Variants in INPP5D observed in about 807,000 individuals in gnomAD.
INPP5D encodes the protein inositol polyphosphate-5-phosphatase D.
A neutral mutation model predicts 122.9 loss-of-function variants in INPP5D; 33 were observed. That is an observed-to-expected ratio of 0.27 (90% CI 0.20 to 0.36). INPP5D has a LOEUF of 0.36. Ranked by LOEUF, INPP5D falls within the 10% of genes least tolerant of loss-of-function variation. The pLI is 1.00. For synonymous variants in INPP5D, 584 were observed against 576.2 expected, an observed-to-expected ratio of 1.01 and a Z score of -0.19; for missense variants, 1,053 against 1,412.7, an observed-to-expected ratio of 0.75 and a Z score of 4.08.
chr2:233,118,451 C>G lies in INPP5D; in HGVS notation c.199-3656C>G, dbSNP rs555800253. Among the ~76,000 whole-genome samples the G allele has an allele frequency of 6.7e-4, 102 of 152,364 alleles. 1 individual carries two copies. Among genetic ancestry groups the G allele is most frequent in the Middle Eastern group, 6.8e-3 (2 of 294 alleles). On this transcript the variant is annotated intron_variant, in intron 2 of 26. Transcript: ENST00000445964. ...GCTCTGTAGCTTCTATGATCCCCTTCTTGGGCTCTGACTCTTTCTCTTCCT... is the reference window on the plus strand; with the variant it reads ...GCTCTGTAGCTTCTATGATCCCCTTGTTGGGCTCTGACTCTTTCTCTTCCT...
chr2:233,187,533 A>G (rs558941449), intron 21 of INPP5D, among the ~76,000 whole-genome samples: 2 of 152,334 alleles, frequency 1.3e-5, no homozygotes, highest in African/African-American at 4.8e-5. Context: ...CTGGACCCAC[A>G]TTGGCATTAA....
chr2:233,068,262 G>A (rs955785252), intron 1 of INPP5D, among the ~76,000 whole-genome samples: 1 of 146,194 alleles, frequency 6.8e-6, no homozygotes, highest in African/African-American at 2.6e-5. Flanking sequence ...TCCAGCCTGG[G>A]CAACAAGAGT....
Position 233,158,297 on chromosome 2 carries a change from T to A in INPP5D, c.1031-16T>A. The stretch of plus-strand genomic sequence containing the variant: ...ATGAGTGGATGAATGAATTAATGAA[T>A]TTCTTTTCTCTTAAGTCCTGCAGCT... On this transcript the variant is annotated splice_polypyrimidine_tract_variant and intron_variant, in intron 9 of 26. Coordinates refer to ENST00000445964, the MANE Select transcript of INPP5D (RefSeq NM_001017915.3). The A allele has an allele frequency of 1.4e-6, 1 of 697,794 alleles. No individual in the cohort carries two copies. Among genetic ancestry groups the A allele is most frequent in the Non-Finnish European group, 2.6e-6 (1 of 382,446 alleles). 43.2% of individuals were successfully genotyped at this position (697,794 alleles called of 1,614,324 possible).
intron 2 of INPP5D, among the ~76,000 whole-genome samples, chr2:233,115,675 C>T (rs1051855950): frequency 9.2e-5 from 14 of 152,234 alleles, no homozygotes; most frequent in African/African-American, 3.4e-4. Flanking sequence ...GTGCCTCTCC[C>T]TGCAAGTCCC....
At chr2:233,070,696 C>T (rs1027889661) in intron 1 of INPP5D, among the ~76,000 whole-genome samples, 1 of 152,088 alleles carries the variant, frequency 6.6e-6, no homozygotes, top group Non-Finnish European at 1.5e-5. Context: ...TCGCCTCGGC[C>T]TCCCAAAGTG....
At chr2:233,088,071 A>T (rs1691898891) in intron 2 of INPP5D, among the ~76,000 whole-genome samples, 1 of 151,704 alleles carries the variant, frequency 6.6e-6, no homozygotes, top group Admixed American at 6.6e-5. Flanking sequence ...TGCCTCCTGG[A>T]TTCAAGCGAT....
Position 233,160,207 on chromosome 2 carries a change from T to C in INPP5D, c.1138-1517T>C, listed in dbSNP as rs1422777772. 6.6e-6 allele frequency among the ~76,000 whole-genome samples: 1 copy of C among 152,236 alleles called. No individual in the cohort carries two copies. The highest frequency in any genetic ancestry group is 1.9e-4 in the East Asian group (1 of 5,202). On this transcript the variant is annotated intron_variant, in intron 10 of 26. Transcript: ENST00000445964. The surrounding 1 kb of genome is among the most constrained non-coding windows in gnomAD (Gnocchi z 4.2). Reference sequence around the variant, plus strand: ...GAGGACTTACTGAGATTTGCAATTATAAGGTTGAATCATGTAAAATTTCTG... The same window carrying C: ...GAGGACTTACTGAGATTTGCAATTACAAGGTTGAATCATGTAAAATTTCTG...
chr2:233,094,395 C>G (rs1692073290), intron 2 of INPP5D, among the ~76,000 whole-genome samples: 1 of 151,256 alleles, frequency 6.6e-6, no homozygotes, highest in Admixed American at 6.6e-5. Context: ...TGCCTGTAGT[C>G]CCAGCTACTC....
intron 2 of INPP5D, among the ~76,000 whole-genome samples, chr2:233,092,815 C>A (rs1387493490): frequency 6.6e-6 from 1 of 152,178 alleles, no homozygotes; most frequent in African/African-American, 2.4e-5. Context: ...GGCCAAGGAG[C>A]CCCAGGCCCA....
chr2:233,063,602 T>A (rs1410885773), intron 1 of INPP5D, among the ~76,000 whole-genome samples: 1 of 152,352 alleles, frequency 6.6e-6, no homozygotes, highest in East Asian at 1.9e-4. Context: ...CAGCAAACCC[T>A]GCATTTCCTC....
At chr2:233,175,964 G>A (rs1166027140) in intron 17 of INPP5D, among the ~76,000 whole-genome samples, 2 of 152,226 alleles carry the variant, frequency 1.3e-5, no homozygotes, top group South Asian at 2.1e-4. Flanking sequence ...TTACAGGCAT[G>A]AGCCACCATG....
chr2:233,080,245 A>G (rs1691638740), intron 2 of INPP5D, among the ~76,000 whole-genome samples: 1 of 152,174 alleles, frequency 6.6e-6, no homozygotes, highest in African/African-American at 2.4e-5. Flanking sequence ...TAAATTTAAA[A>G]ACAAAAATCA....
At chr2:233,140,792 C>G in intron 6 of INPP5D, 1 of 152,342 alleles carries the variant, frequency 6.6e-6, no homozygotes, top group South Asian at 2.1e-4. Context: ...CCCCAGCCTT[C>G]TGAAGTGCTG....
rs542295047 is a variant in INPP5D, at chr2:233,105,976, C to A, written c.199-16131C>A. Among the ~76,000 whole-genome samples, 51 of 152,302 alleles carry A rather than the reference C, an allele frequency of 3.3e-4. No homozygotes were observed. The highest frequency in any genetic ancestry group is 1.2e-3 in the African/African-American group (50 of 41,552). On this transcript the variant is annotated intron_variant, in intron 2 of 26. Coordinates refer to ENST00000445964, the MANE Select transcript of INPP5D (RefSeq NM_001017915.3). This position sits in a 1 kb window ranked among gnomAD's most constrained non-coding sequence, Gnocchi z 4.0. ...GCATGTGGAACTTGACGATTTGTCC[C>A]TATTGGCAGATACTGATGATAAAAC...
intron 22 of INPP5D, among the ~76,000 whole-genome samples, chr2:233,190,785 G>A (rs1056574691): frequency 1.3e-5 from 2 of 152,222 alleles, no homozygotes; most frequent in African/African-American, 4.8e-5. Context: ...AGAGAGGCAG[G>A]AAGCAGGAGC....
chr2:233,130,486 G>C (rs774644547), intron 4 of INPP5D, 22 bp from the exon 5 acceptor site: 1 of 1,611,694 alleles, frequency 6.2e-7, no homozygotes, highest in Non-Finnish European at 8.5e-7. Context: ...AGCATAGTTT[G>C]TTTCTTTTTT....
chr2:233,088,661 C>T (rs1283262422), intron 2 of INPP5D, among the ~76,000 whole-genome samples: 1 of 152,198 alleles, frequency 6.6e-6, no homozygotes, highest in African/African-American at 2.4e-5. Context: ...CACGTGACTC[C>T]ATGGATGACT....
At chr2:233,061,852 A>G (rs889548130) in intron 1 of INPP5D, among the ~76,000 whole-genome samples, 4 of 152,336 alleles carry the variant, frequency 2.6e-5, no homozygotes, top group African/African-American at 9.6e-5. Flanking sequence ...CGGGGCAGGC[A>G]TGTAGCCTTG....
chr2:233,191,516 G>T (rs998193666), intron 22 of INPP5D, among the ~76,000 whole-genome samples: 1 of 152,168 alleles, frequency 6.6e-6, no homozygotes, highest in Non-Finnish European at 1.5e-5. Context: ...GGAGACCAAG[G>T]CACAGCCACA....
Sources: gnomAD v4.1 joint callset for allele counts (sites outside exome capture counted in the v4.1 genomes callset) on GRCh38, gnomAD v4.1.1 for gene constraint, Gnocchi (gnomAD v3.1) non-coding constraint, MANE v1.5 for transcripts, NCBI Gene and HGNC (gene_info 2026-07-23, HGNC 2026-07-21) for gene names.